Variants in TFAP2B observed in about 807,000 individuals in gnomAD.
The protein encoded by TFAP2B is transcription factor AP-2-beta.
A neutral mutation model predicts 44.3 loss-of-function variants in TFAP2B; 9 were observed. That is an observed-to-expected ratio of 0.20 (90% CI 0.12 to 0.35). TFAP2B has a LOEUF of 0.35. TFAP2B is among the 10% of genes least tolerant of loss of function. The pLI is 1.00. For missense variants in TFAP2B, 509 were observed against 600.0 expected, an observed-to-expected ratio of 0.85 and a Z score of 1.59; for synonymous variants, 270 against 263.8, an observed-to-expected ratio of 1.02 and a Z score of -0.23.
intron 3 of TFAP2B, among the ~76,000 whole-genome samples, chr6:50,832,973 G>A (rs915348027): frequency 1.3e-5 from 2 of 152,176 alleles, no homozygotes; most frequent in Admixed American, 6.5e-5. Flanking sequence ...TTTTGTGGGT[G>A]TTACATCCAG....
intron 2 of TFAP2B, among the ~76,000 whole-genome samples, chr6:50,825,881 A>G (rs1343807811): frequency 1.3e-5 from 2 of 152,124 alleles, no homozygotes; most frequent in Non-Finnish European, 2.9e-5. Context: ...TGCAAGGGAC[A>G]CACCCTGCTC....
intron 4 of TFAP2B, among the ~76,000 whole-genome samples, chr6:50,837,168 T>G (rs1762640016): frequency 6.6e-6 from 1 of 152,176 alleles, no homozygotes; most frequent in Admixed American, 6.5e-5. Flanking sequence ...GAGATTACAG[T>G]AACTGAGGAT....
Position 50,836,189 on chromosome 6 carries a change from T to G in TFAP2B, c.730T>G (p.Ser244Ala), listed in dbSNP as rs758162063. Residue 244 changes from serine to alanine, a missense_variant, in exon 4 of 7, where the codon TCG (serine) becomes GCG (alanine). Ser to Ala is a moderately conservative substitution (Grantham distance 99). Around this residue, in one of 3 missense-constraint regions of TFAP2B, gnomAD observed 45 missense variants for 108.6 expected, o/e 0.41. Transcript: ENST00000393655. The stretch of plus-strand genomic sequence containing the variant: ...CCGTTTGTCTCTGCTCAGTTCAACT[T>G]CGAAGTACAAAGTAACTGTGGGAGA... ...PGRLSLLSSTSKYKVTVGEVQ... is the reference protein window; with the variant it reads ...PGRLSLLSSTAKYKVTVGEVQ... 7.4e-6 allele frequency: 12 copies of G among 1,613,964 alleles called. No individual in the cohort carries two copies. Among genetic ancestry groups the G allele is most frequent in the Non-Finnish European group, 1.0e-5 (12 of 1,180,030 alleles).
rs138856293 is a variant in TFAP2B, at chr6:50,843,254, G to T, written c.1245G>T (p.Thr415=). The T allele has an allele frequency of 2.0e-5, 32 of 1,614,040 alleles. No homozygotes were observed. Among genetic ancestry groups the T allele is most frequent in the Non-Finnish European group, 2.7e-5 (32 of 1,180,044 alleles). The change falls in exon 7 of 7, where the codon ACG becomes ACT. Residue 415 remains threonine, a synonymous_variant. Coordinates refer to ENST00000393655, the MANE Select transcript of TFAP2B (RefSeq NM_003221.4). The part of the protein sequence containing the change: ...FGAPAICAAL[T]ALQNYLTEAL... ...CCCCGGCCATTTGCGCCGCGCTCAC[G>T]GCCCTGCAGAACTATCTCACCGAGG... is the stretch of plus-strand genomic sequence containing the variant.
At chr6:50,829,948 ATCTCTCTC>A (rs60307026) in intron 3 of TFAP2B, among the ~76,000 whole-genome samples, 2 of 149,940 alleles carry the variant, frequency 1.3e-5, no homozygotes, top group Non-Finnish European at 3.0e-5. Flanking sequence ...TGCTTCAAAC[ATCTCTCTC>A]TCTCTCTCTC....
At chr6:50,835,918 G>T in intron 3 of TFAP2B, 143 bp from the exon 4 acceptor site, 1 of 778,720 alleles carries the variant, frequency 1.3e-6, no homozygotes, top group South Asian at 1.4e-5. Flanking sequence ...TGAACGCACT[G>T]CAGCCCCACT....
At chr6:50,828,046 C>T (rs896629685) in intron 2 of TFAP2B, among the ~76,000 whole-genome samples, 16 of 152,192 alleles carry the variant, frequency 1.1e-4, no homozygotes, top group Non-Finnish European at 2.2e-4. Flanking sequence ...AAGAGACTGT[C>T]ATTGTGCAGC....
Position 50,843,206 on chromosome 6 carries a change from C to T in TFAP2B, c.1197C>T (p.Ser399=), listed in dbSNP as rs769754521. Residue 399 remains serine, a synonymous_variant, in exon 7 of 7, where the codon AGC becomes AGT. Transcript: ENST00000393655. ...TCCAGAGCTGCCTCACGCACTTCAG[C>T]CTCATCACGCACGGCTTCGGCGCCC... ...PGIQSCLTHF[S]LITHGFGAPA... is the part of the protein sequence containing the mutation. 1.2e-6 allele frequency: 2 copies of T among 1,614,226 alleles called. No individual in the cohort carries two copies. Among genetic ancestry groups the T allele is most frequent in the East Asian group, 4.5e-5 (2 of 44,872 alleles).
At position 50,843,196 on chromosome 6, in the gene TFAP2B, C is replaced by T. The variant is rs761528653; in HGVS notation, c.1187C>T (p.Thr396Met). 6.2e-7 allele frequency: 1 copy of T among 1,614,236 alleles called. No individual in the cohort carries two copies. The highest frequency in any genetic ancestry group is 1.7e-5 in the Admixed American group (1 of 60,032). ...ILEPGIQSCL[T>M]HFSLITHGFG... ...GAGCCGGGGATCCAGAGCTGCCTCA[C>T]GCACTTCAGCCTCATCACGCACGGC... Residue 396 changes from threonine to methionine, a missense_variant, in exon 7 of 7, where the codon ACG (threonine) becomes ATG (methionine). By Grantham distance (81) the Thr-to-Met change is moderately conservative. Transcript: ENST00000393655.
chr6:50,818,365 G>A (rs542031808), upstream of TFAP2B, among the ~76,000 whole-genome samples: 118 of 151,988 alleles, frequency 7.8e-4, no homozygotes, highest in African/African-American at 2.1e-3. Flanking sequence ...ACTCTCTTCC[G>A]GAACATACAT....
At chr6:50,824,073 T>A (rs1770438118) in intron 2 of TFAP2B, among the ~76,000 whole-genome samples, 1 of 152,202 alleles carries the variant, frequency 6.6e-6, no homozygotes, top group South Asian at 2.1e-4. Context: ...CTAATTATGA[T>A]CATCCAAACC....
chr6:50,820,493 G>A (rs1183946298), intron 1 of TFAP2B, among the ~76,000 whole-genome samples: 2 of 152,272 alleles, frequency 1.3e-5, no homozygotes, highest in African/African-American at 4.8e-5. Flanking sequence ...AGGAGAGAGC[G>A]CGAGAGAGCA....
At chr6:50,840,093 T>C in intron 5 of TFAP2B, 63 bp from the exon 6 acceptor site, 1 of 1,602,538 alleles carries the variant, frequency 6.2e-7, no homozygotes, top group Non-Finnish European at 8.5e-7. Flanking sequence ...CAAGGGAATG[T>C]CTCCGCCCTG....
intron 4 of TFAP2B, among the ~76,000 whole-genome samples, chr6:50,836,662 C>G (rs1006283872): frequency 2.6e-5 from 4 of 152,238 alleles, no homozygotes; most frequent in East Asian, 1.9e-4. Context: ...GCCCCCCAGC[C>G]CCCCCACAAA....
Position 50,843,691 on chromosome 6 carries a change from T to C in TFAP2B, c.*299T>C, listed in dbSNP as rs79471665. On this transcript the variant is annotated 3_prime_UTR_variant, in exon 7 of 7. Transcript: ENST00000393655. The stretch of plus-strand genomic sequence containing the variant: ...TACTGATAATAAAAGAAAACCATGA[T>C]TTCCCCTTCCCTTTGGAAAATAAAC... 3.7e-3 allele frequency: 1,147 copies of C among 313,238 alleles called. 12 individuals carry two copies. The highest frequency in any genetic ancestry group is 0.024 in the African/African-American group (1,078 of 45,724). The allele number at this position is 313,238 out of a possible 1,614,324, so 19.4% of individuals were successfully genotyped here.
rs888048631 is a variant in TFAP2B at position 50,822,548 on chromosome 6, A to T, written c.82-859A>T. On this transcript the variant is annotated intron_variant, in intron 1 of 6. Transcript: ENST00000393655. Reference sequence around the variant, plus strand: ...ATACACACCTCCCCCTTCTTCTTTCACTTAGTTCACACTCCAGATAGGACC... The same window carrying T: ...ATACACACCTCCCCCTTCTTCTTTCTCTTAGTTCACACTCCAGATAGGACC... 4.6e-5 allele frequency among the ~76,000 whole-genome samples: 7 copies of T among 152,046 alleles called. No homozygotes were observed. In the East Asian group the frequency reaches 1.4e-3, roughly 29 times the overall value.
intron 3 of TFAP2B, among the ~76,000 whole-genome samples, chr6:50,831,875 A>C (rs1354249806): frequency 2.6e-5 from 4 of 152,128 alleles, no homozygotes; most frequent in African/African-American, 7.2e-5. Flanking sequence ...AAATGTTGTG[A>C]CTGTGGGGCA....
intron 3 of TFAP2B, among the ~76,000 whole-genome samples, chr6:50,829,097 A>AT (rs1417569240): frequency 1.4e-4 from 22 of 152,046 alleles, no homozygotes; most frequent in African/African-American, 3.9e-4. Flanking sequence ...TTTGTATTTG[A>AT]TTTTTTTGGT....
chr6:50,825,842 A>G (rs1198796347), intron 2 of TFAP2B, among the ~76,000 whole-genome samples: 1 of 152,092 alleles, frequency 6.6e-6, no homozygotes, highest in Non-Finnish European at 1.5e-5. Context: ...CGGGAGGCCC[A>G]CGGGACCTTC....
Sources: gnomAD v4.1 joint callset for allele counts (sites outside exome capture counted in the v4.1 genomes callset) on GRCh38, gnomAD v4.1.1 for gene constraint, gnomAD v4.1.1 regional missense constraint, MANE v1.5 for transcripts, NCBI Gene and HGNC (gene_info 2026-07-23, HGNC 2026-07-21) for gene names.